CAST: variants seen among roughly 807,000 people sequenced by gnomAD.
CAST encodes the protein MIR583 host.
In CAST, 76 loss-of-function variants were observed where a neutral mutation model predicts 119.6. That is an observed-to-expected ratio of 0.64 (90% CI 0.53 to 0.77). The LOEUF is 0.77. Among genes scored for constraint, CAST ranks in the 30% least tolerant of loss-of-function variants. The probability of loss-of-function intolerance (pLI) is 0.00; values close to 1 mark genes in which losing one functional copy is unlikely to be tolerated. For synonymous variants in CAST, 319 were observed against 331.6 expected (o/e 0.96, Z 0.41); for missense variants, 953 against 946.5 (o/e 1.01, Z -0.09).
chr5:96,511,297 A>C, the CAST span, among the ~76,000 whole-genome samples: 1 of 152,098 alleles, frequency 6.6e-6, no homozygotes, highest in Admixed American at 6.5e-5. Context: ...GGCGCCCGCC[A>C]CCACGCCTGG....
the CAST span, among the ~76,000 whole-genome samples, chr5:96,306,090 G>A: frequency 0.02 from 3,014 of 152,162 alleles, 114 homozygotes; most frequent in East Asian, 0.18. Context: ...ACTTTTTTTG[G>A]TTGGTGGGCT....
the CAST span, among the ~76,000 whole-genome samples, chr5:96,475,586 A>G: frequency 1.3e-5 from 2 of 152,200 alleles, no homozygotes; most frequent in Non-Finnish European, 2.9e-5. Flanking sequence ...GTTGTCAGGT[A>G]AAAGAGCCTC....
At chr5:96,303,029 G>C in the CAST span, among the ~76,000 whole-genome samples, 2 of 152,178 alleles carry the variant, frequency 1.3e-5, no homozygotes, top group Non-Finnish European at 2.9e-5. Flanking sequence ...ACCTGAGACT[G>C]TGTGATGTAT....
the CAST span, among the ~76,000 whole-genome samples, chr5:96,018,748 A>G: frequency 2.6e-5 from 4 of 152,230 alleles, no homozygotes; most frequent in East Asian, 3.8e-4. Context: ...GTACATTGCT[A>G]TAATTCCTTG....
the CAST span, among the ~76,000 whole-genome samples, chr5:96,186,409 C>A: frequency 6.6e-6 from 1 of 152,136 alleles, no homozygotes; most frequent in Non-Finnish European, 1.5e-5. Context: ...TGAGACAGGG[C>A]ATCCTTGTCT....
chr5:96,163,772 T>C, the CAST span, among the ~76,000 whole-genome samples: 1 of 152,204 alleles, frequency 6.6e-6, no homozygotes, highest in Non-Finnish European at 1.5e-5. Flanking sequence ...AGTTACTTAA[T>C]TTTCCTAGTC....
At chr5:96,118,215 T>C in the CAST span, among the ~76,000 whole-genome samples, 6 of 152,004 alleles carry the variant, frequency 3.9e-5, no homozygotes, top group African/African-American at 1.5e-4. Flanking sequence ...AGCTGTAGTT[T>C]TCTCTCTCTT....
the CAST span, among the ~76,000 whole-genome samples, chr5:96,057,166 G>A: frequency 1.3e-5 from 2 of 152,202 alleles, no homozygotes; most frequent in African/African-American, 4.8e-5. Flanking sequence ...TTGGCAACCT[G>A]TGGTTGACTG....
chr5:96,006,948 G>A, the CAST span, among the ~76,000 whole-genome samples: 1 of 152,030 alleles, frequency 6.6e-6, no homozygotes, highest in Non-Finnish European at 1.5e-5. Context: ...AAATATCTAA[G>A]CTTTAAAAAT....
At chr5:96,167,411 G>A in the CAST span, among the ~76,000 whole-genome samples, 1 of 152,172 alleles carries the variant, frequency 6.6e-6, no homozygotes, top group Non-Finnish European at 1.5e-5. Flanking sequence ...AGTTGGTCTG[G>A]TGTCTGGGAT....
the CAST span, among the ~76,000 whole-genome samples, chr5:96,434,319 C>G: frequency 7.9e-5 from 12 of 152,178 alleles, no homozygotes; most frequent in African/African-American, 2.4e-4. Flanking sequence ...TATTCAGCAC[C>G]GAGGTCTGGA....
the CAST span, among the ~76,000 whole-genome samples, chr5:96,058,460 C>T: frequency 2.6e-5 from 4 of 152,228 alleles, no homozygotes; most frequent in Middle Eastern, 3.4e-3. Flanking sequence ...CAAGGGTCCT[C>T]CTCAGTCAAC....
chr5:96,441,849 A>G, the CAST span, among the ~76,000 whole-genome samples: 2 of 152,118 alleles, frequency 1.3e-5, no homozygotes, highest in East Asian at 1.9e-4. Context: ...GATTATGCGT[A>G]TGGGTGATTG....
At chr5:96,196,884 G>A in the CAST span, among the ~76,000 whole-genome samples, 268 of 152,316 alleles carry the variant, frequency 1.8e-3, 1 homozygote, top group African/African-American at 6.2e-3. Context: ...AGGAAGAGCA[G>A]CTAGCAGACT....
At chr5:96,728,843 T>C (rs936135356) in intron 6 of CAST, 13 of 247,682 alleles carry the variant, frequency 5.2e-5, no homozygotes, top group Non-Finnish European at 9.4e-5. Flanking sequence ...TCATGTGTTA[T>C]CTGTGTACAT....
the CAST span, among the ~76,000 whole-genome samples, chr5:96,035,672 A>G: frequency 2.0e-5 from 3 of 151,900 alleles, no homozygotes; most frequent in African/African-American, 7.3e-5. Flanking sequence ...CCTAGAAAAA[A>G]TAAAAGGGAA....
the CAST span, among the ~76,000 whole-genome samples, chr5:96,129,565 A>G: frequency 6.6e-6 from 1 of 152,150 alleles, no homozygotes; most frequent in African/African-American, 2.4e-5. Flanking sequence ...TTGAGAAGAA[A>G]TTGTTCAGTA....
chr5:96,737,913 A>T lies in CAST; in HGVS notation c.764A>T (p.Glu255Val). Residue 255 changes from glutamate to valine, a missense_variant, in exon 11 of 32, where the codon GAA becomes GTA. By Grantham distance (121) the Glu-to-Val change is moderately radical. Transcript: ENST00000675179. ...DTLGGPEETE[E>V]ENTTYTGPEV... ...TTAGGAGGACCTGAAGAAACTGAAG[A>T]AGAAAATACAACGTATACTGGACCA... The T allele has an allele frequency of 6.2e-7, 1 of 1,606,230 alleles. No individual in the cohort carries two copies. The highest frequency in any genetic ancestry group is 1.1e-5 in the South Asian group (1 of 90,886).
At chr5:96,389,579 G>A in the CAST span, among the ~76,000 whole-genome samples, 10 of 152,244 alleles carry the variant, frequency 6.6e-5, no homozygotes, top group South Asian at 1.0e-3. Context: ...ATGGTGGGTC[G>A]AAATTCCAGG....
Sources: gnomAD v4.1 joint callset for allele counts (sites outside exome capture counted in the v4.1 genomes callset) on GRCh38, gnomAD v4.1.1 for gene constraint, MANE v1.5 for transcripts, NCBI Gene and HGNC (gene_info 2026-07-23, HGNC 2026-07-21) for gene names.